Variants in RGS17 observed in about 807,000 individuals in gnomAD.
The protein encoded by RGS17 is regulator of G protein signaling 17.
A neutral mutation model predicts 25.5 loss-of-function variants in RGS17; 12 were observed. The observed-to-expected ratio is 0.47, with a 90% CI of 0.30 to 0.76. The LOEUF (loss-of-function observed/expected upper bound fraction) is 0.76, where lower values mean the gene tolerates loss of function less well. Among genes scored for constraint, RGS17 ranks in the 30% least tolerant of loss-of-function variants. RGS17 has a pLI of 0.07. For missense variants in RGS17, 196 were observed against 242.2 expected (o/e 0.81, Z 1.27); for synonymous variants, 71 against 76.9 (o/e 0.92, Z 0.40).
At chr6:153,054,057 A>G (rs1416156607) in intron 1 of RGS17, among the ~76,000 whole-genome samples, 1 of 65,874 alleles carries the variant, frequency 1.5e-5, no homozygotes, top group African/African-American at 6.6e-5. Context: ...ATATGTATAT[A>G]ATATATATAC....
In RGS17 at chr6:153,006,480, G is replaced by T. The variant is rs1398008963; in HGVS notation, c.*5094C>A. On this transcript the variant is annotated 3_prime_UTR_variant, in exon 5 of 5. Coordinates refer to ENST00000206262, the MANE Select transcript of RGS17 (RefSeq NM_012419.5). ...TGTCATTGAAAGAAACATTTCTATA[G>T]ATTTGAGGTGATGGTGAACTGAAAG... The T allele has an allele frequency of 6.6e-6, 1 of 152,436 alleles. No individual in the cohort carries two copies. Among genetic ancestry groups the T allele is most frequent in the Non-Finnish European group, 1.5e-5 (1 of 67,988 alleles). 9.4% of individuals were successfully genotyped at this position (152,436 alleles called of 1,614,324 possible).
intron 4 of RGS17, among the ~76,000 whole-genome samples, chr6:153,020,706 A>T (rs12209209): frequency 0.071 from 10,821 of 152,242 alleles, 447 homozygotes; most frequent in South Asian, 0.18. Flanking sequence ...CAGTAAAATC[A>T]TGACAATTTT....
chr6:153,026,376 G>T, intron 3 of RGS17, 78 bp downstream of exon 3: 3 of 948,842 alleles, frequency 3.2e-6, no homozygotes, highest in Non-Finnish European at 5.0e-6. Context: ...ATGAAGCAAG[G>T]GGTAATACTG....
chr6:153,089,216 GGTATATATGTATATAT>G (rs36212939), intron 1 of RGS17, among the ~76,000 whole-genome samples: 6,207 of 149,708 alleles, frequency 0.041, 481 homozygotes, highest in South Asian at 0.26. Flanking sequence ...AATGTGCATA[GGTATATATGTATATAT>G]GTATATATGT....
chr6:153,091,624 T>C (rs187002158), intron 1 of RGS17, among the ~76,000 whole-genome samples: 27 of 152,232 alleles, frequency 1.8e-4, no homozygotes, highest in Middle Eastern at 6.8e-3. Flanking sequence ...GCAATTCTCC[T>C]GCCTCAGCCT....
chr6:153,087,539 T>C (rs1777068221), intron 1 of RGS17, among the ~76,000 whole-genome samples: 1 of 152,246 alleles, frequency 6.6e-6, no homozygotes. Context: ...AAATCATTTC[T>C]AGGCTTTGCA....
In RGS17 at chr6:153,090,963, A is replaced by G. The variant is rs188925818; in HGVS notation, c.-26+40161T>C. Among the ~76,000 whole-genome samples, 617 of 152,328 alleles carry G rather than the reference A, an allele frequency of 4.1e-3. 1 individual carries two copies. Among genetic ancestry groups the G allele is most frequent in the Non-Finnish European group, 7.2e-3 (488 of 68,018 alleles). The stretch of plus-strand genomic sequence containing the variant: ...TTTCCTCTGGTGGCTTATGCCCTAC[A>G]ATAAGAACATTTAACAAAGTAAGAC... On this transcript the variant is annotated intron_variant, in intron 1 of 4. Coordinates refer to ENST00000206262, the MANE Select transcript of RGS17 (RefSeq NM_012419.5).
At chr6:153,129,998 C>T (rs1051882211) in intron 1 of RGS17, among the ~76,000 whole-genome samples, 7 of 152,110 alleles carry the variant, frequency 4.6e-5, no homozygotes, top group Non-Finnish European at 7.4e-5. Context: ...CCGGCTCGCT[C>T]TCCCGGAGCC....
At chr6:153,123,895 A>C (rs546151639) in intron 1 of RGS17, among the ~76,000 whole-genome samples, 45 of 152,202 alleles carry the variant, frequency 3.0e-4, no homozygotes, top group African/African-American at 1.0e-3. Context: ...GTATGTACAC[A>C]TTTTCTTTAT....
chr6:153,070,170 A>G (rs1291754922), intron 1 of RGS17, among the ~76,000 whole-genome samples: 2 of 152,098 alleles, frequency 1.3e-5, no homozygotes, highest in African/African-American at 4.8e-5. Flanking sequence ...ACCTCCCACT[A>G]AAGTACTCTC....
chr6:153,015,120 A>G (rs1779170000), intron 4 of RGS17, among the ~76,000 whole-genome samples: 1 of 152,228 alleles, frequency 6.6e-6, no homozygotes, highest in African/African-American at 2.4e-5. Context: ...ATTTCATAAT[A>G]AAACTCTAAA....
chr6:153,098,918 G>A (rs181866249), intron 1 of RGS17, among the ~76,000 whole-genome samples: 4 of 152,200 alleles, frequency 2.6e-5, no homozygotes, highest in South Asian at 2.1e-4. Context: ...AGAAGGAACC[G>A]ACAAAAATAC....
intron 1 of RGS17, among the ~76,000 whole-genome samples, chr6:153,104,566 G>A (rs942631479): frequency 6.6e-6 from 1 of 152,206 alleles, no homozygotes; most frequent in Non-Finnish European, 1.5e-5. Context: ...GCACATGTCA[G>A]ACGGATTCAT....
Position 153,084,336 on chromosome 6 carries a change from T to G in RGS17, c.-25-40293A>C, listed in dbSNP as rs183253750. On this transcript the variant is annotated intron_variant, in intron 1 of 4. Transcript: ENST00000206262. ...GCTACATAAAATCCCTTAACAAATTTGTTTTCTATTTTATTCTAGAGTGGA... is the reference window on the plus strand; with the variant it reads ...GCTACATAAAATCCCTTAACAAATTGGTTTTCTATTTTATTCTAGAGTGGA... Among the ~76,000 whole-genome samples the G allele has an allele frequency of 3.9e-5, 6 of 152,308 alleles. No individual in the cohort carries two copies. The East Asian group carries it at 1.2e-3, about 29-fold the overall frequency.
intron 1 of RGS17, among the ~76,000 whole-genome samples, chr6:153,089,532 C>CT (rs1482561455): frequency 6.6e-6 from 1 of 151,984 alleles, no homozygotes; most frequent in Non-Finnish European, 1.5e-5. Context: ...GTACTTTAGT[C>CT]TGCGTGTAAG....
At chr6:153,073,051 G>T (rs9479493) in intron 1 of RGS17, among the ~76,000 whole-genome samples, 17,083 of 152,200 alleles carry the variant, frequency 0.11, 1,108 homozygotes, top group East Asian at 0.3. Context: ...GCAGTGTCTT[G>T]CTTTCCATCT....
chr6:153,051,779 C>G (rs1776464476), intron 1 of RGS17, among the ~76,000 whole-genome samples: 1 of 152,112 alleles, frequency 6.6e-6, no homozygotes, highest in African/African-American at 2.4e-5. Flanking sequence ...CTCAGCCAAT[C>G]CATATTGCAC....
In RGS17 at chr6:153,097,820, A is replaced by C. The variant is rs111359639; in HGVS notation, c.-26+33304T>G. Among the ~76,000 whole-genome samples the C allele has an allele frequency of 7.7e-3, 1,178 of 152,268 alleles. 13 individuals carry two copies. Among genetic ancestry groups the C allele is most frequent in the African/African-American group, 0.027 (1,120 of 41,550 alleles). On this transcript the variant is annotated intron_variant, in intron 1 of 4. Transcript: ENST00000206262. ...TGGTGAAAATTAGGGTGAGTGACAC[A>C]GGAGTAAGAAAATGATGGCAATAAT...
intron 1 of RGS17, among the ~76,000 whole-genome samples, chr6:153,081,493 A>G (rs1776980395): frequency 6.6e-6 from 1 of 152,022 alleles, no homozygotes; most frequent in African/African-American, 2.4e-5. Context: ...TAGATCATGT[A>G]TATGGTTGGG....
Sources: gnomAD v4.1 joint callset for allele counts (sites outside exome capture counted in the v4.1 genomes callset) on GRCh38, gnomAD v4.1.1 for gene constraint, MANE v1.5 for transcripts, NCBI Gene and HGNC (gene_info 2026-07-23, HGNC 2026-07-21) for gene names.